Variants in PLCG2 observed in about 807,000 individuals in gnomAD.
PLCG2 encodes 1-phosphatidylinositol 4,5-bisphosphate phosphodiesterase gamma-2.
In PLCG2, 69 loss-of-function variants were observed where a neutral mutation model predicts 175.6. The observed-to-expected ratio is 0.39, with a 90% CI of 0.32 to 0.48. The LOEUF is 0.48. PLCG2 is among the 20% of genes least tolerant of loss of function. PLCG2 has a pLI of 0.91. For synonymous variants in PLCG2, 827 were observed against 624.0 expected (o/e 1.33, Z -4.85); for missense variants, 1,798 against 1,650.9 (o/e 1.09, Z -1.54).
intron 13 of PLCG2, among the ~76,000 whole-genome samples, chr16:81,899,561 C>G (rs913218754): frequency 6.6e-6 from 1 of 152,152 alleles, no homozygotes; most frequent in South Asian, 2.1e-4. Context: ...AAGCAGCGCT[C>G]CCCTTCCTGG....
intron 2 of PLCG2, among the ~76,000 whole-genome samples, chr16:81,850,775 C>T (rs867802017): frequency 6.6e-6 from 1 of 152,140 alleles, no homozygotes; most frequent in Admixed American, 6.5e-5. Context: ...ATCTCATTAG[C>T]GTGTTAAATC....
intron 1 of PLCG2, among the ~76,000 whole-genome samples, chr16:81,783,418 G>A (rs1272539217): frequency 1.3e-5 from 2 of 152,070 alleles, no homozygotes; most frequent in East Asian, 1.9e-4. Context: ...AACTCGTTTT[G>A]CTACTTTCTA....
At chr16:81,775,722 A>C (rs908469113), upstream of PLCG2, among the ~76,000 whole-genome samples, 4 of 152,224 alleles carry the variant, frequency 2.6e-5, no homozygotes, top group African/African-American at 9.6e-5. Context: ...AAGATGATTC[A>C]GCTTAAAATG....
At chr16:81,856,390 T>G (rs1906682099) in intron 3 of PLCG2, among the ~76,000 whole-genome samples, 1 of 152,176 alleles carries the variant, frequency 6.6e-6, no homozygotes, top group Non-Finnish European at 1.5e-5. Flanking sequence ...CAGTGGGACT[T>G]GAGCTATGAT....
Position 81,853,465 on chromosome 16 carries a change from A to G in PLCG2, c.194-979A>G, listed in dbSNP as rs542788716. Among the ~76,000 whole-genome samples the G allele has an allele frequency of 3.3e-5, 5 of 152,214 alleles. No homozygotes were observed. The East Asian group carries it at 5.8e-4, about 18-fold the overall frequency. Reference sequence around the variant, plus strand: ...TTCATAGAAGACAGTTTTTCCACAGATGGTGGGGGCAGTGGGGGGATTGCT... The same window carrying G: ...TTCATAGAAGACAGTTTTTCCACAGGTGGTGGGGGCAGTGGGGGGATTGCT... On this transcript the variant is annotated intron_variant, in intron 2 of 32. Transcript: ENST00000564138.
At chr16:81,866,668 C>T (rs1406142153) in intron 5 of PLCG2, among the ~76,000 whole-genome samples, 4 of 127,420 alleles carry the variant, frequency 3.1e-5, no homozygotes, top group African/African-American at 1.1e-4. Context: ...GGGGCACCAG[C>T]GTGAGAGGAC....
chr16:81,923,889 T>C (rs1279003910), intron 22 of PLCG2, among the ~76,000 whole-genome samples: 1 of 152,234 alleles, frequency 6.6e-6, no homozygotes, highest in African/African-American at 2.4e-5. Flanking sequence ...AGTCTGCTAA[T>C]TGCTTTCCAT....
At chr16:81,943,250 G>A (rs144770223) in intron 30 of PLCG2, among the ~76,000 whole-genome samples, 9 of 152,288 alleles carry the variant, frequency 5.9e-5, no homozygotes, top group African/African-American at 1.7e-4. Context: ...AAGAAAAGAG[G>A]TTTGATTGGC....
intron 12 of PLCG2, 93 bp downstream of exon 12, chr16:81,893,887 T>A: frequency 1.3e-6 from 1 of 761,856 alleles, no homozygotes; most frequent in South Asian, 1.5e-5. Context: ...TGTAAAAAGG[T>A]TTTAATGGAC....
At position 81,851,118 on chromosome 16, in the gene PLCG2, G is replaced by C. The variant is rs535168117; in HGVS notation, c.194-3326G>C. Among the ~76,000 whole-genome samples, 73 of 152,252 alleles carry C rather than the reference G, an allele frequency of 4.8e-4. 1 individual carries two copies. Among genetic ancestry groups the C allele is most frequent in the African/African-American group, 1.7e-3 (69 of 41,546 alleles). Reference sequence around the variant, plus strand: ...CTAATACTCTACCCCACAAGGTTTAGAGATACCACCCCCCTAATAATAGGG... The same window carrying C: ...CTAATACTCTACCCCACAAGGTTTACAGATACCACCCCCCTAATAATAGGG... On this transcript the variant is annotated intron_variant, in intron 2 of 32. Coordinates refer to ENST00000564138, the MANE Select transcript of PLCG2 (RefSeq NM_002661.5).
rs1355356210 is a variant in PLCG2 at position 81,960,464 on chromosome 16, G to C, written c.*2466G>C. On this transcript the variant is annotated 3_prime_UTR_variant, in exon 33 of 33. Transcript: ENST00000564138. ...ACCATTTTCCTAAGTGTGTTATTTA[G>C]AATATTGGTTATTACAAGGAAAAAT... is the stretch of plus-strand genomic sequence containing the variant. The C allele has an allele frequency of 4.4e-6, 1 of 229,030 alleles. No homozygotes were observed. The highest frequency in any genetic ancestry group is 8.7e-6 in the Non-Finnish European group (1 of 115,562). The allele number at this position is 229,030 out of a possible 1,614,324, so 14.2% of individuals were successfully genotyped here.
chr16:81,943,919 C>T (rs1457065432), intron 30 of PLCG2, among the ~76,000 whole-genome samples: 2 of 152,080 alleles, frequency 1.3e-5, no homozygotes, highest in African/African-American at 4.8e-5. Context: ...AGTATAAAAT[C>T]AAAGGATGGA....
intron 7 of PLCG2, among the ~76,000 whole-genome samples, chr16:81,878,092 C>G (rs1907900668): frequency 7.0e-6 from 1 of 141,944 alleles, no homozygotes; most frequent in East Asian, 2.3e-4. Flanking sequence ...CGCCATTCTT[C>G]TGCCTCAGCC....
At chr16:81,884,978 C>T (rs1908282997) in intron 9 of PLCG2, among the ~76,000 whole-genome samples, 2 of 152,102 alleles carry the variant, frequency 1.3e-5, no homozygotes, top group Non-Finnish European at 2.9e-5. Context: ...GCCTCGACCT[C>T]CTGGGCTCAA....
intron 10 of PLCG2, 143 bp from the exon 11 acceptor site, chr16:81,891,329 G>T: frequency 1.5e-6 from 1 of 645,866 alleles, no homozygotes. Flanking sequence ...TATTGAAAAC[G>T]TGGGTAACTG....
intron 1 of PLCG2, among the ~76,000 whole-genome samples, chr16:81,743,446 G>A (rs974007489): frequency 6.6e-6 from 1 of 152,240 alleles, no homozygotes; most frequent in African/African-American, 2.4e-5. Flanking sequence ...CAGGCAAAGA[G>A]CCCAGGTAGA....
intron 1 of PLCG2, 102 bp from the exon 2 acceptor site, chr16:81,785,841 T>G (rs535188613): frequency 2.9e-6 from 2 of 698,450 alleles, no homozygotes; most frequent in Non-Finnish European, 4.9e-6. Context: ...AAACTCATCC[T>G]GATTGACATG....
Position 81,928,635 on chromosome 16 carries a change from A to C in PLCG2, c.2581+11A>C, listed in dbSNP as rs1315845191. 6.3e-7 allele frequency: 1 copy of C among 1,577,070 alleles called. No homozygotes were observed. The highest frequency in any genetic ancestry group is 8.7e-7 in the Non-Finnish European group (1 of 1,146,296). On this transcript the variant is annotated intron_variant, in intron 24 of 32. Coordinates refer to ENST00000564138, the MANE Select transcript of PLCG2 (RefSeq NM_002661.5). ...ATACCTATAACGTCGGTACGTGCAC[A>C]CATCATCTTAGCCTGGATTTCCACC...
chr16:81,771,172 C>A (rs1044799800), intron 2 of PLCG2, among the ~76,000 whole-genome samples: 3 of 152,156 alleles, frequency 2.0e-5, no homozygotes, highest in Non-Finnish European at 2.9e-5. Flanking sequence ...CCTAGAACAT[C>A]GCAGCCCTCA....
Sources: gnomAD v4.1 joint callset for allele counts (sites outside exome capture counted in the v4.1 genomes callset) on GRCh38, gnomAD v4.1.1 for gene constraint, MANE v1.5 for transcripts, NCBI Gene and HGNC (gene_info 2026-07-23, HGNC 2026-07-21) for gene names.